Variants in MAP2K4 observed in about 807,000 individuals in gnomAD.
MAP2K4 encodes mitogen-activated protein kinase kinase 4.
Under a neutral mutation model 48.5 loss-of-function variants are expected in MAP2K4, and 4 were observed. The ratio of observed to expected loss-of-function variants is 0.08; its 90% confidence interval spans 0.04 to 0.19. MAP2K4 has a LOEUF of 0.19. Among genes scored for constraint, MAP2K4 ranks in the 10% least tolerant of loss-of-function variants. The probability of loss-of-function intolerance (pLI) is 1.00; values close to 1 mark genes in which losing one functional copy is unlikely to be tolerated. For missense variants in MAP2K4, 258 were observed against 493.3 expected, an observed-to-expected ratio of 0.52 and a Z score of 4.52; for synonymous variants, 166 against 173.1, an observed-to-expected ratio of 0.96 and a Z score of 0.32.
At chr17:12,092,624 T>C (rs1247625671) in intron 3 of MAP2K4, among the ~76,000 whole-genome samples, 1 of 152,248 alleles carries the variant, frequency 6.6e-6, no homozygotes, top group Non-Finnish European at 1.5e-5. Context: ...ATTATAGGCA[T>C]GTGTTTGTAG....
chr17:12,043,847 G>A (rs1459831462), intron 1 of MAP2K4, among the ~76,000 whole-genome samples: 1 of 152,060 alleles, frequency 6.6e-6, no homozygotes, highest in Non-Finnish European at 1.5e-5. Flanking sequence ...TATTAGGTAG[G>A]CATGATTGAT....
At chr17:12,139,353 T>C (rs960991222) in intron 9 of MAP2K4, among the ~76,000 whole-genome samples, 2 of 152,130 alleles carry the variant, frequency 1.3e-5, no homozygotes, top group African/African-American at 2.4e-5. Context: ...CATATTGAGA[T>C]ACAGAGTATA....
chr17:12,021,111 C>T, intron 1 of MAP2K4, 110 bp downstream of exon 1: 1 of 580,422 alleles, frequency 1.7e-6, no homozygotes, highest in Middle Eastern at 5.6e-4. Flanking sequence ...CCACGGCAGC[C>T]GCCGGCTTCT....
chr17:12,075,304 G>A (rs907333811), intron 2 of MAP2K4, among the ~76,000 whole-genome samples: 1 of 152,198 alleles, frequency 6.6e-6, no homozygotes, highest in African/African-American at 2.4e-5. Context: ...AGCAGTGGTA[G>A]AGTGAAATCC....
At chr17:12,042,622 C>T (rs1327703089) in intron 1 of MAP2K4, among the ~76,000 whole-genome samples, 5 of 141,314 alleles carry the variant, frequency 3.5e-5, no homozygotes, top group Admixed American at 1.5e-4. Context: ...GCCTGGGCAG[C>T]AGAGTGAGAC....
chr17:12,059,501 A>G (rs1008798028), intron 2 of MAP2K4, among the ~76,000 whole-genome samples: 2 of 152,206 alleles, frequency 1.3e-5, no homozygotes, highest in African/African-American at 4.8e-5. Flanking sequence ...CATCCCTTTT[A>G]TCTTCATAAC....
intron 1 of MAP2K4, among the ~76,000 whole-genome samples, chr17:12,048,838 G>C (rs2151521634): frequency 6.6e-6 from 1 of 151,884 alleles, no homozygotes; most frequent in Non-Finnish European, 1.5e-5. Context: ...TGTATTTTTA[G>C]TAGAGACGGG....
chr17:12,033,977 A>T (rs79175915), intron 1 of MAP2K4, among the ~76,000 whole-genome samples: 57 of 152,070 alleles, frequency 3.7e-4, no homozygotes, highest in Non-Finnish European at 6.8e-4. Flanking sequence ...TTTTTGTAGA[A>T]ATGGAATCTT....
intron 7 of MAP2K4, among the ~76,000 whole-genome samples, chr17:12,119,157 G>C (rs977804470): frequency 6.6e-6 from 1 of 152,160 alleles, no homozygotes; most frequent in African/African-American, 2.4e-5. Flanking sequence ...AATGCCCATA[G>C]ACAAAGTGCA....
intron 1 of MAP2K4, among the ~76,000 whole-genome samples, chr17:12,039,191 G>C (rs994539838): frequency 2.0e-5 from 3 of 152,116 alleles, no homozygotes; most frequent in Non-Finnish European, 4.4e-5. Flanking sequence ...TATATGCCTG[G>C]GTACAGCTGG....
chr17:12,139,916 A>T, intron 10 of MAP2K4, 32 bp downstream of exon 10: 1 of 1,532,494 alleles, frequency 6.5e-7, no homozygotes, highest in Non-Finnish European at 8.8e-7. Context: ...TTGTAGGTAC[A>T]TCCTAACCCC....
chr17:12,142,426 T>A lies in MAP2K4; in HGVS notation c.*1166T>A, dbSNP rs1445060167. On this transcript the variant is annotated 3_prime_UTR_variant, in exon 11 of 11. Coordinates refer to ENST00000353533, the MANE Select transcript of MAP2K4 (RefSeq NM_003010.4). ...CTTGCGCTTAATCCAATATTTTGCCTTTTTTCTATATCAAAAAACCTTTAC... is the reference window on the plus strand; with the variant it reads ...CTTGCGCTTAATCCAATATTTTGCCATTTTTCTATATCAAAAAACCTTTAC... 4.3e-6 allele frequency: 1 copy of A among 232,784 alleles called. No homozygotes were observed. Among genetic ancestry groups the A allele is most frequent in the Non-Finnish European group, 8.5e-6 (1 of 117,826 alleles). The allele number at this position is 232,784 out of a possible 1,614,324, so 14.4% of individuals were successfully genotyped here. A position where few individuals can be genotyped will look rare whatever the true frequency, so the allele number is the denominator to read the frequency against.
At chr17:12,071,048 G>A (rs1970789168) in intron 2 of MAP2K4, among the ~76,000 whole-genome samples, 1 of 152,184 alleles carries the variant, frequency 6.6e-6, no homozygotes, top group East Asian at 1.9e-4. Context: ...CAGCATAACC[G>A]TAATCTCTAT....
intron 4 of MAP2K4, 38 bp downstream of exon 4, chr17:12,095,732 C>G (rs1276596694): frequency 6.3e-7 from 1 of 1,598,640 alleles, no homozygotes; most frequent in Non-Finnish European, 8.5e-7. Context: ...TAATGAATAT[C>G]TAATTGGGAC....
chr17:12,032,015 A>G (rs28918085), intron 1 of MAP2K4, among the ~76,000 whole-genome samples: 1 of 152,278 alleles, frequency 6.6e-6, no homozygotes, highest in African/African-American at 2.4e-5. Context: ...ATATATATGA[A>G]AAATAAAGAT....
rs547058036 is a variant in MAP2K4, at chr17:12,026,305, T to C, written c.115+5304T>C. Among the ~76,000 whole-genome samples, 56 of 152,312 alleles carry C rather than the reference T, an allele frequency of 3.7e-4. No homozygotes were observed. The South Asian group carries it at 0.011, about 30-fold the overall frequency. ...CTTTCACTAATTTGAGAAGCTGGAT[T>C]GATGTGAGCCCATAGAGTTTCCTTA... On this transcript the variant is annotated intron_variant, in intron 1 of 10. Coordinates refer to ENST00000353533, the MANE Select transcript of MAP2K4 (RefSeq NM_003010.4).
At chr17:12,122,613 G>A (rs983084421) in intron 7 of MAP2K4, among the ~76,000 whole-genome samples, 2 of 152,166 alleles carry the variant, frequency 1.3e-5, no homozygotes, top group Non-Finnish European at 2.9e-5. Flanking sequence ...TGTGAATAAA[G>A]GTAATGCTTG....
intron 4 of MAP2K4, among the ~76,000 whole-genome samples, chr17:12,096,347 C>T (rs1216462313): frequency 6.6e-6 from 1 of 152,100 alleles, no homozygotes; most frequent in African/African-American, 2.4e-5. Flanking sequence ...CTTGGGTTAT[C>T]ATTTCTGCCT....
rs9914553 is a variant in MAP2K4 at position 12,066,136 on chromosome 17, C to T, written c.218+11145C>T. 5.1e-3 allele frequency among the ~76,000 whole-genome samples: 523 copies of T among 101,886 alleles called. 4 individuals are homozygous for T. The highest frequency in any genetic ancestry group is 8.7e-3 in the South Asian group (20 of 2,288). 66.8% of individuals were successfully genotyped at this position (101,886 alleles called of 152,430 possible). A position where few individuals can be genotyped will look rare whatever the true frequency, so the allele number is the denominator to read the frequency against. ...AACATTTACTATTGTTTCTTTCTTT[C>T]TTTTTTTTTTTTTAATACAGAGAAA... On this transcript the variant is annotated intron_variant, in intron 2 of 10. Coordinates refer to ENST00000353533, the MANE Select transcript of MAP2K4 (RefSeq NM_003010.4).
Sources: allele counts gnomAD v4.1 joint callset (sites outside exome capture counted in the v4.1 genomes callset), GRCh38; gene constraint gnomAD v4.1.1; transcripts MANE v1.5; gene names NCBI Gene and HGNC (gene_info 2026-07-23, HGNC 2026-07-21).